OTUD7A: variants seen among roughly 807,000 people sequenced by gnomAD.
OTUD7A encodes the protein OTU domain-containing protein 7A.
OTUD7A carries 12 observed loss-of-function variants against 65.7 expected under a neutral mutation model. The observed-to-expected ratio is 0.18, with a 90% CI of 0.12 to 0.30. The LOEUF (loss-of-function observed/expected upper bound fraction) is 0.30. Among genes scored for constraint, OTUD7A ranks in the 10% least tolerant of loss-of-function variants. The probability of loss-of-function intolerance (pLI) is 1.00; values close to 1 mark genes in which losing one functional copy is unlikely to be tolerated. For synonymous variants in OTUD7A, 641 were observed against 586.3 expected, an observed-to-expected ratio of 1.09 and a Z score of -1.35; for missense variants, 1,148 against 1,304.8, an observed-to-expected ratio of 0.88 and a Z score of 1.85.
At chr15:31,603,636 C>G (rs1425998249) in intron 3 of OTUD7A, among the ~76,000 whole-genome samples, 2 of 152,164 alleles carry the variant, frequency 1.3e-5, no homozygotes, top group Non-Finnish European at 2.9e-5. Context: ...GCAAAAGAAA[C>G]TATCATTAGA....
At chr15:31,503,433 G>A (rs984737982) in intron 9 of OTUD7A, among the ~76,000 whole-genome samples, 2 of 152,220 alleles carry the variant, frequency 1.3e-5, no homozygotes, top group Admixed American at 1.3e-4. Flanking sequence ...ACAGGAGACA[G>A]GAGCCCCTCT....
chr15:31,657,521 C>T (rs2141280450), intron 1 of OTUD7A, among the ~76,000 whole-genome samples: 2 of 143,980 alleles, frequency 1.4e-5, no homozygotes, highest in South Asian at 4.5e-4. Flanking sequence ...CCATGCCCAG[C>T]TAATTTTTTT....
intron 1 of OTUD7A, among the ~76,000 whole-genome samples, chr15:31,755,189 A>G (rs1249790336): frequency 6.6e-6 from 1 of 151,700 alleles, no homozygotes; most frequent in Non-Finnish European, 1.5e-5. Flanking sequence ...GGAGAGAGGG[A>G]AGGAGGAGGA....
At chr15:31,818,797 G>A (rs1207091110) in intron 1 of OTUD7A, among the ~76,000 whole-genome samples, 3 of 152,236 alleles carry the variant, frequency 2.0e-5, no homozygotes, top group Non-Finnish European at 4.4e-5. Context: ...ATACAGAAAT[G>A]AGCATCTGCT....
At chr15:31,684,644 G>A (rs1298591630) in intron 1 of OTUD7A, among the ~76,000 whole-genome samples, 7 of 142,448 alleles carry the variant, frequency 4.9e-5, no homozygotes, top group East Asian at 2.0e-4. Context: ...TTGCCACGTG[G>A]GCCTTTCCAT....
intron 1 of OTUD7A, among the ~76,000 whole-genome samples, chr15:31,803,854 T>A (rs896760214): frequency 4.6e-5 from 7 of 152,178 alleles, no homozygotes; most frequent in Non-Finnish European, 8.8e-5. Context: ...CAAGTGCATC[T>A]TTCAGGATGC....
intron 1 of OTUD7A, among the ~76,000 whole-genome samples, chr15:31,748,878 G>A (rs556224785): frequency 6.6e-6 from 1 of 151,944 alleles, no homozygotes; most frequent in Non-Finnish European, 1.5e-5. Context: ...TTCCAGTGTA[G>A]GGCTCTTACA....
chr15:31,501,970 G>T, intron 9 of OTUD7A, 131 bp from the exon 10 acceptor site: 1 of 1,046,928 alleles, frequency 9.6e-7, no homozygotes, highest in Non-Finnish European at 1.4e-6. Context: ...AGGGGTGGAT[G>T]GAGGCGGTGC....
intron 1 of OTUD7A, among the ~76,000 whole-genome samples, chr15:31,851,905 C>T (rs1897436631): frequency 6.6e-6 from 1 of 152,190 alleles, no homozygotes; most frequent in Admixed American, 6.5e-5. Flanking sequence ...GTCGCCCAGA[C>T]TGGAATGCAG....
intron 3 of OTUD7A, among the ~76,000 whole-genome samples, chr15:31,639,926 T>C (rs1595677626): frequency 6.6e-6 from 1 of 152,262 alleles, no homozygotes; most frequent in Non-Finnish European, 1.5e-5. Flanking sequence ...CTTTACCAGA[T>C]ATATGATTTG....
Position 31,657,094 on chromosome 15 carries a change from A to G in OTUD7A, c.-99-17T>C, listed in dbSNP as rs1892015327. 6.5e-6 allele frequency: 1 copy of G among 152,806 alleles called. No homozygotes were observed. The highest frequency in any genetic ancestry group is 6.5e-5 in the Admixed American group (1 of 15,308). 9.5% of individuals were successfully genotyped at this position (152,806 alleles called of 1,614,324 possible). ...CACTGCCACCTGGGGGACAGATCAG[A>G]GAACAAGAGCATGTGATCTCCTTAC... On this transcript the variant is annotated splice_polypyrimidine_tract_variant and intron_variant, in intron 1 of 12. Transcript: ENST00000307050.
intron 1 of OTUD7A, among the ~76,000 whole-genome samples, chr15:31,758,897 T>C (rs1894886081): frequency 2.0e-5 from 3 of 152,156 alleles, no homozygotes; most frequent in Admixed American, 6.5e-5. Context: ...ACCACAGTGA[T>C]TTTGATGTAA....
At chr15:31,674,425 T>C (rs1032372243) in intron 1 of OTUD7A, among the ~76,000 whole-genome samples, 7 of 152,114 alleles carry the variant, frequency 4.6e-5, no homozygotes, top group Admixed American at 2.6e-4. Context: ...ATACAAAAAA[T>C]TGGCATCCAG....
chr15:31,546,226 T>C (rs1236489470), intron 5 of OTUD7A, among the ~76,000 whole-genome samples: 7 of 152,226 alleles, frequency 4.6e-5, no homozygotes, highest in African/African-American at 1.7e-4. Flanking sequence ...TAGAAATGTG[T>C]TCATGGCTTA....
At chr15:31,801,796 A>G (rs1006043831) in intron 1 of OTUD7A, among the ~76,000 whole-genome samples, 2 of 152,214 alleles carry the variant, frequency 1.3e-5, no homozygotes, top group Non-Finnish European at 2.9e-5. Flanking sequence ...GATTTTTTAC[A>G]TAAATAAATA....
rs749622094 is a variant in OTUD7A at position 31,487,166 on chromosome 15, G to A, written c.1371+28C>T. 1.1e-5 allele frequency: 18 copies of A among 1,603,780 alleles called. 1 individual carries two copies. In the South Asian group the frequency reaches 1.7e-4, roughly 15 times the overall value. ...CTGAGCAGCCTGGACCCTGCTGCCA[G>A]GTCTGGTCCCAGCACAGCCAGGCTC... is the stretch of plus-strand genomic sequence containing the variant. On this transcript the variant is annotated intron_variant, in intron 12 of 12. Coordinates refer to ENST00000307050, the MANE Select transcript of OTUD7A (RefSeq NM_001382637.1). The surrounding 1 kb of genome is among the most constrained non-coding windows in gnomAD (Gnocchi z 6.0).
At chr15:31,789,280 G>C (rs547698292) in intron 1 of OTUD7A, among the ~76,000 whole-genome samples, 1 of 152,178 alleles carries the variant, frequency 6.6e-6, no homozygotes, top group Non-Finnish European at 1.5e-5. Context: ...TGTTCAATCA[G>C]ATGGGAATAT....
chr15:31,559,646 A>G lies in OTUD7A; in HGVS notation c.332-459T>C, dbSNP rs182071123. Reference sequence around the variant, plus strand: ...TACACATACATGCATGCAGACACACACATAGAAACAGTTGGCACATATACT... The same window carrying G: ...TACACATACATGCATGCAGACACACGCATAGAAACAGTTGGCACATATACT... On this transcript the variant is annotated intron_variant, in intron 4 of 12. Coordinates refer to ENST00000307050, the MANE Select transcript of OTUD7A (RefSeq NM_001382637.1). 2.2e-4 allele frequency among the ~76,000 whole-genome samples: 33 copies of G among 152,254 alleles called. No individual in the cohort carries two copies. In the East Asian group the frequency reaches 6.4e-3, roughly 29 times the overall value.
chr15:31,476,097 C>T lies in OTUD7A; in HGVS notation c.*7197G>A, dbSNP rs2041012637. On this transcript the variant is annotated 3_prime_UTR_variant, in exon 13 of 13. Transcript: ENST00000307050. ...GTAACAGGTCACTAAGGAGCTTAGT[C>T]CCTCTGTGGACCCAGCTAAGCCTGC... The T allele has an allele frequency of 6.6e-6, 1 of 152,194 alleles. No individual in the cohort carries two copies. The highest frequency in any genetic ancestry group is 2.1e-4 in the South Asian group (1 of 4,832). The allele number at this position is 152,194 out of a possible 1,614,324, so 9.4% of individuals were successfully genotyped here. A position where few individuals can be genotyped will look rare whatever the true frequency, so the allele number is the denominator to read the frequency against.
Sources: gnomAD v4.1 joint callset for allele counts (sites outside exome capture counted in the v4.1 genomes callset) on GRCh38, gnomAD v4.1.1 for gene constraint, Gnocchi (gnomAD v3.1) non-coding constraint, MANE v1.5 for transcripts, NCBI Gene and HGNC (gene_info 2026-07-23, HGNC 2026-07-21) for gene names.